Variants in CCNY observed in about 807,000 individuals in gnomAD.
The protein encoded by CCNY is cyclin Y.
Under a neutral mutation model 42.8 loss-of-function variants are expected in CCNY, and 19 were observed. That is an observed-to-expected ratio of 0.44 (90% CI 0.31 to 0.65). The LOEUF is 0.65. Among genes scored for constraint, CCNY ranks in the 30% least tolerant of loss-of-function variants. CCNY has a pLI of 0.07. For missense variants in CCNY, 370 were observed against 437.3 expected (o/e 0.85, Z 1.37); for synonymous variants, 165 against 162.7 (o/e 1.01, Z -0.11).
chr10:35,548,209 C>A (rs997688146), intron 7 of CCNY, among the ~76,000 whole-genome samples: 2 of 149,508 alleles, frequency 1.3e-5, no homozygotes, highest in Non-Finnish European at 1.5e-5. Context: ...TGTATTCTTA[C>A]AATGAAGTAA....
chr10:35,456,111 A>G lies in CCNY; in HGVS notation c.155-27293A>G, dbSNP rs140301623. ...CTTAATGGCTCAGGTTTTGCAGGAG[A>G]GTGACAATTGTATGTACTGGTGTGT... On this transcript the variant is annotated intron_variant, in intron 1 of 9. Coordinates refer to ENST00000374704, the MANE Select transcript of CCNY (RefSeq NM_145012.6). Among the ~76,000 whole-genome samples, 73 of 152,194 alleles carry G rather than the reference A, an allele frequency of 4.8e-4. No individual in the cohort carries two copies. In the Middle Eastern group the frequency reaches 0.01, roughly 21 times the overall value.
chr10:35,249,434 T>C (rs964821073), intron 2 of CCNY, among the ~76,000 whole-genome samples: 3 of 151,646 alleles, frequency 2.0e-5, no homozygotes, highest in South Asian at 2.1e-4. Context: ...AGATTGTTTA[T>C]GTTGTTTAAG....
At chr10:35,424,235 T>G (rs980507940) in intron 1 of CCNY, among the ~76,000 whole-genome samples, 1 of 152,206 alleles carries the variant, frequency 6.6e-6, no homozygotes, top group Non-Finnish European at 1.5e-5. Context: ...TTTCTTTTCT[T>G]TTCTTTTTGA....
chr10:35,503,068 T>A (rs962880204), intron 3 of CCNY, among the ~76,000 whole-genome samples: 9 of 152,106 alleles, frequency 5.9e-5, no homozygotes, highest in Non-Finnish European at 4.4e-5. Flanking sequence ...CCTGCATACC[T>A]CTTTTAACAT....
At chr10:35,567,444 G>T (rs994818994) in intron 9 of CCNY, among the ~76,000 whole-genome samples, 1 of 152,194 alleles carries the variant, frequency 6.6e-6, no homozygotes, top group African/African-American at 2.4e-5. Flanking sequence ...CTCCAGAGAG[G>T]GTGTGCCCCA....
chr10:35,510,425 C>CAG (rs1564440169), intron 3 of CCNY, among the ~76,000 whole-genome samples: 1 of 152,236 alleles, frequency 6.6e-6, no homozygotes, highest in East Asian at 1.9e-4. Flanking sequence ...CTGTATGGCT[C>CAG]AGGTTGGTCT....
intron 8 of CCNY, among the ~76,000 whole-genome samples, chr10:35,563,972 G>T (rs919574049): frequency 1.3e-5 from 2 of 151,838 alleles, no homozygotes; most frequent in African/African-American, 4.8e-5. Context: ...CACCTCCCGG[G>T]TTCAAGTGAT....
chr10:35,270,728 C>CTT lies in CCNY; in HGVS notation c.-9+20116_-9+20117dup, dbSNP rs11411285. Reference sequence around the variant, plus strand: ...AGACATGGTCAGTTCTTTTTTTTTTCTTTTTTTTTTTTTTTGAGACAGAGT... The same window carrying CTT: ...AGACATGGTCAGTTCTTTTTTTTTTCTTTTTTTTTTTTTTTTTGAGACAGAGT... On this transcript the variant is annotated intron_variant, in intron 3 of 11. Transcript: ENST00000374706. 2.3e-3 allele frequency among the ~76,000 whole-genome samples: 288 copies of CTT among 124,696 alleles called. 3 individuals carry two copies. The highest frequency in any genetic ancestry group is 4.2e-3 in the African/African-American group (134 of 32,150). 81.8% of individuals were successfully genotyped at this position (124,696 alleles called of 152,430 possible).
chr10:35,289,460 T>TA (rs1483321748), intron 3 of CCNY: 1 of 152,210 alleles, frequency 6.6e-6, no homozygotes, highest in East Asian at 1.9e-4. Flanking sequence ...TTCCCAATCT[T>TA]AGAGTAAAAA....
At chr10:35,508,618 C>CA (rs1424328703) in intron 3 of CCNY, among the ~76,000 whole-genome samples, 2 of 152,150 alleles carry the variant, frequency 1.3e-5, no homozygotes, top group Non-Finnish European at 2.9e-5. Context: ...AGCTAGGAAA[C>CA]AGACATTTCA....
At chr10:35,522,337 C>T (rs922067454) in intron 4 of CCNY, among the ~76,000 whole-genome samples, 1 of 152,194 alleles carries the variant, frequency 6.6e-6, no homozygotes, top group Non-Finnish European at 1.5e-5. Context: ...GAGATCCATC[C>T]ACCTGCCTTT....
chr10:35,337,233 A>G (rs866875967), intron 1 of CCNY, 26 bp downstream of exon 1: 2 of 1,471,216 alleles, frequency 1.4e-6, no homozygotes, highest in Non-Finnish European at 1.8e-6. Flanking sequence ...CGAGCCCCCT[A>G]CCCGCCCCCG....
At chr10:35,453,459 T>G (rs1048683750) in intron 1 of CCNY, among the ~76,000 whole-genome samples, 4 of 152,230 alleles carry the variant, frequency 2.6e-5, no homozygotes, top group Non-Finnish European at 4.4e-5. Flanking sequence ...AACATCTTTG[T>G]GTCTAAAGCC....
intron 2 of CCNY, among the ~76,000 whole-genome samples, chr10:35,499,856 TATC>T (rs1250041516): frequency 6.6e-6 from 1 of 152,168 alleles, no homozygotes; most frequent in Non-Finnish European, 1.5e-5. Context: ...ACCATAGAAT[TATC>T]ATCATATCCC....
chr10:35,494,861 A>G (rs1351746651), intron 2 of CCNY, among the ~76,000 whole-genome samples: 2 of 152,218 alleles, frequency 1.3e-5, no homozygotes, highest in Non-Finnish European at 2.9e-5. Context: ...AAGAGACTCA[A>G]AGGATACACA....
intron 1 of CCNY, among the ~76,000 whole-genome samples, chr10:35,368,467 C>T (rs967161316): frequency 4.6e-5 from 7 of 152,202 alleles, no homozygotes; most frequent in Admixed American, 2.0e-4. Context: ...CTACCAAGTG[C>T]TCATGTTATT....
At chr10:35,357,260 A>G (rs1057400513) in intron 1 of CCNY, among the ~76,000 whole-genome samples, 1 of 139,920 alleles carries the variant, frequency 7.1e-6, no homozygotes, top group African/African-American at 2.8e-5. Context: ...TGTTTACCAC[A>G]GTCTGAAATT....
intron 1 of CCNY, among the ~76,000 whole-genome samples, chr10:35,357,078 C>A (rs999351942): frequency 6.7e-6 from 1 of 149,398 alleles, no homozygotes; most frequent in African/African-American, 2.5e-5. Context: ...TCCCAAAGCT[C>A]ATCACCTGGC....
At chr10:35,445,093 C>T (rs1264927426) in intron 1 of CCNY, among the ~76,000 whole-genome samples, 1 of 152,158 alleles carries the variant, frequency 6.6e-6, no homozygotes, top group Non-Finnish European at 1.5e-5. Context: ...ATCTGTGGAA[C>T]AGTAAATGGA....
Sources: allele counts gnomAD v4.1 joint callset (sites outside exome capture counted in the v4.1 genomes callset), GRCh38; gene constraint gnomAD v4.1.1; transcripts MANE v1.5; gene names NCBI Gene and HGNC (gene_info 2026-07-23, HGNC 2026-07-21).